NTRK3: variants seen among roughly 807,000 people sequenced by gnomAD.
NTRK3 encodes neurotrophic receptor tyrosine kinase 3, also known as NT-3 growth factor receptor.
A neutral mutation model predicts 91.7 loss-of-function variants in NTRK3; 24 were observed. That is an observed-to-expected ratio of 0.26 (90% CI 0.19 to 0.37). The LOEUF is 0.37. Ranked by LOEUF, NTRK3 falls within the 10% of genes least tolerant of loss-of-function variation. The probability of loss-of-function intolerance (pLI) is 1.00; values close to 1 mark genes in which losing one functional copy is unlikely to be tolerated. For missense variants in NTRK3, 880 were observed against 1,068.9 expected (o/e 0.82, Z 2.46); for synonymous variants, 483 against 404.0 (o/e 1.20, Z -2.34).
rs551578565 is a variant in NTRK3, at chr15:88,209,128, T to C, written c.249-24829A>G. ...AGATGAAGAAACAACTGATCCAAGA[T>C]AGAGGAAATGAGAGGAAAAAGAAGA... On this transcript the variant is annotated intron_variant, in intron 3 of 18. Coordinates refer to ENST00000394480, the Ensembl canonical transcript of NTRK3. Among the ~76,000 whole-genome samples the C allele has an allele frequency of 1.7e-4, 26 of 152,196 alleles. No homozygotes were observed. The South Asian group carries it at 4.2e-3, about 24-fold the overall frequency.
rs143456763 is a variant in NTRK3 at position 87,981,320 on chromosome 15, C to T, written c.1586-40567G>A. The T allele has an allele frequency of 2.7e-5, 44 of 1,606,018 alleles. No homozygotes were observed. In the African/African-American group the frequency reaches 5.3e-4, roughly 20 times the overall value. Reference sequence around the variant, plus strand: ...GGACTAGATGATCTCTATTGTCCTTCAAGTTTAATATCCCATGATTGTCTA... The same window carrying T: ...GGACTAGATGATCTCTATTGTCCTTTAAGTTTAATATCCCATGATTGTCTA... On this transcript the variant is annotated intron_variant, in intron 14 of 18. Transcript: ENST00000394480.
chr15:87,978,984 C>T (rs2073965103), intron 14 of NTRK3: 1 of 376,178 alleles, frequency 2.7e-6, no homozygotes, highest in Admixed American at 4.3e-5. Context: ...CTTCATCAGG[C>T]TTTCTTGTGA....
At chr15:88,124,737 G>A (rs532560621) in intron 13 of NTRK3, among the ~76,000 whole-genome samples, 2 of 152,184 alleles carry the variant, frequency 1.3e-5, no homozygotes, top group Non-Finnish European at 1.5e-5. Flanking sequence ...TGTTGTGTTT[G>A]CAGATAAGAC....
At chr15:88,183,012 A>ACCCCCCCCCCCCCCCCCCCCCCCCCCCAC (rs370707792) in intron 5 of NTRK3, among the ~76,000 whole-genome samples, 2 of 119,884 alleles carry the variant, frequency 1.7e-5, no homozygotes, top group Non-Finnish European at 3.5e-5. Flanking sequence ...TCTTCTTGCA[A>ACCCCCCCCCCCCCCCCCCCCCCCCCCCAC]CCCCCCCCCG....
At chr15:88,120,418 C>T (rs1159120942) in intron 13 of NTRK3, among the ~76,000 whole-genome samples, 1 of 152,226 alleles carries the variant, frequency 6.6e-6, no homozygotes, top group Non-Finnish European at 1.5e-5. Context: ...CATCCGCAGG[C>T]CCATCAGAGG....
At chr15:87,951,557 T>C (rs2141115579) in intron 14 of NTRK3, among the ~76,000 whole-genome samples, 1 of 152,330 alleles carries the variant, frequency 6.6e-6, no homozygotes, top group East Asian at 1.9e-4. Context: ...ACCCTCATTC[T>C]TTCCCCCAGC....
chr15:88,185,525 C>T (rs1046538563), intron 3 of NTRK3, among the ~76,000 whole-genome samples: 5 of 152,190 alleles, frequency 3.3e-5, no homozygotes, highest in Admixed American at 1.3e-4. Context: ...CATTCATACA[C>T]ACCTGTGATC....
intron 14 of NTRK3, among the ~76,000 whole-genome samples, chr15:87,951,006 GC>G (rs1476538257): frequency 1.3e-5 from 2 of 152,112 alleles, no homozygotes; most frequent in Non-Finnish European, 1.5e-5. Context: ...TGATAACCTG[GC>G]CCAAATCCCC....
exon 19 of NTRK3, chr15:87,865,737 C>A (rs913658456): frequency 4.4e-6 from 1 of 224,858 alleles, no homozygotes; most frequent in Non-Finnish European, 8.9e-6. Flanking sequence ...GCAGAAGATG[C>A]CATTTTGCTA....
chr15:88,043,912 G>T (rs2079891263), intron 13 of NTRK3, among the ~76,000 whole-genome samples: 1 of 152,074 alleles, frequency 6.6e-6, no homozygotes, highest in Non-Finnish European at 1.5e-5. Flanking sequence ...CACTGCAATA[G>T]GGTATCCAGG....
At chr15:88,188,865 C>A (rs2151655498) in intron 3 of NTRK3, among the ~76,000 whole-genome samples, 1 of 152,338 alleles carries the variant, frequency 6.6e-6, no homozygotes, top group African/African-American at 2.4e-5. Flanking sequence ...CTTTTCTCTC[C>A]ACTGAAAGTT....
chr15:88,030,334 T>C (rs1226364949), intron 14 of NTRK3, among the ~76,000 whole-genome samples: 1 of 152,188 alleles, frequency 6.6e-6, no homozygotes, highest in African/African-American at 2.4e-5. Context: ...GATGAGTCCT[T>C]GGCTATGCTT....
chr15:88,229,433 A>C (rs2141699427), intron 3 of NTRK3, among the ~76,000 whole-genome samples: 1 of 152,306 alleles, frequency 6.6e-6, no homozygotes, highest in East Asian at 1.9e-4. Context: ...ATGACTGGAA[A>C]GACCATCCAC....
intron 17 of NTRK3, among the ~76,000 whole-genome samples, chr15:87,915,824 T>G (rs1238417794): frequency 6.6e-6 from 1 of 150,812 alleles, no homozygotes; most frequent in African/African-American, 2.4e-5. Flanking sequence ...GAAGAAATTG[T>G]TTTTTTTTCA....
chr15:88,152,863 C>A (rs1017922549), intron 5 of NTRK3, among the ~76,000 whole-genome samples: 9 of 152,190 alleles, frequency 5.9e-5, no homozygotes, highest in African/African-American at 1.9e-4. Flanking sequence ...TTGCCCACCC[C>A]CTGGGTGTAC....
chr15:88,135,673 T>C (rs561032377), intron 9 of NTRK3, among the ~76,000 whole-genome samples: 13 of 152,330 alleles, frequency 8.5e-5, no homozygotes, highest in African/African-American at 2.6e-4. Flanking sequence ...CCTGAAGATG[T>C]AGTTGACTTG....
At chr15:88,050,486 C>T (rs1284144458) in intron 13 of NTRK3, among the ~76,000 whole-genome samples, 3 of 144,172 alleles carry the variant, frequency 2.1e-5, no homozygotes, top group Non-Finnish European at 3.1e-5. Context: ...CAATATATAC[C>T]GTGTGTGTGT....
chr15:88,214,859 G>T (rs984046018), intron 3 of NTRK3, among the ~76,000 whole-genome samples: 4 of 152,184 alleles, frequency 2.6e-5, no homozygotes, highest in Admixed American at 6.5e-5. Flanking sequence ...CCCCTGAAGT[G>T]CAGGGCTGTC....
At chr15:88,178,331 A>G (rs1380979960) in intron 5 of NTRK3, among the ~76,000 whole-genome samples, 3 of 152,236 alleles carry the variant, frequency 2.0e-5, no homozygotes, top group Non-Finnish European at 4.4e-5. Flanking sequence ...TCACCTCAAT[A>G]ATCTCAAGAG....
Sources: gnomAD v4.1 joint callset for allele counts (sites outside exome capture counted in the v4.1 genomes callset) on GRCh38, gnomAD v4.1.1 for gene constraint, MANE v1.5 for transcripts, NCBI Gene and HGNC (gene_info 2026-07-23, HGNC 2026-07-21) for gene names.